Variants in GRID2 observed in about 807,000 individuals in gnomAD.
GRID2 encodes the protein glutamate receptor ionotropic, delta-2.
Under a neutral mutation model 114.8 loss-of-function variants are expected in GRID2, and 33 were observed. The ratio of observed to expected loss-of-function variants is 0.29; its 90% CI spans 0.22 to 0.38. The LOEUF (loss-of-function observed/expected upper bound fraction) is 0.38. GRID2 is among the 10% of genes least tolerant of loss of function. The pLI is 1.00. For synonymous variants in GRID2, 505 were observed against 449.9 expected, an observed-to-expected ratio of 1.12 and a Z score of -1.55; for missense variants, 1,184 against 1,257.7, an observed-to-expected ratio of 0.94 and a Z score of 0.89.
In GRID2 at chr4:93,367,586, G is replaced by A. The variant is rs73839176; in HGVS notation, c.1246-28021G>A. ...AATAGGTTAATACAGAGGAAATTGT[G>A]CCAGACAAAGCTGGTTGCTTTTTTG... On this transcript the variant is annotated intron_variant, in intron 8 of 15. Coordinates refer to ENST00000282020, the MANE Select transcript of GRID2 (RefSeq NM_001510.4). 4.8e-3 allele frequency among the ~76,000 whole-genome samples: 728 copies of A among 152,264 alleles called. 4 individuals carry two copies. Among genetic ancestry groups the A allele is most frequent in the African/African-American group, 0.017 (704 of 41,560 alleles).
intron 1 of GRID2, among the ~76,000 whole-genome samples, chr4:92,419,307 C>T (rs529496948): frequency 6.6e-6 from 1 of 152,210 alleles, no homozygotes; most frequent in East Asian, 1.9e-4. Flanking sequence ...AAAACTCTTA[C>T]ATGTAGCTCA....
chr4:92,474,526 T>A (rs1413150055), intron 1 of GRID2, among the ~76,000 whole-genome samples: 1 of 152,120 alleles, frequency 6.6e-6, no homozygotes, highest in East Asian at 1.9e-4. Context: ...TCCTTTGTAT[T>A]TGTACACAGA....
chr4:93,454,964 A>G (rs549566137), intron 10 of GRID2, among the ~76,000 whole-genome samples: 33 of 152,282 alleles, frequency 2.2e-4, no homozygotes, highest in African/African-American at 7.9e-4. Context: ...TTTTAAATAA[A>G]TAGTAAATGC....
intron 8 of GRID2, among the ~76,000 whole-genome samples, chr4:93,271,090 A>G (rs1181869395): frequency 1.3e-5 from 2 of 152,202 alleles, no homozygotes; most frequent in African/African-American, 4.8e-5. Context: ...TTATGTGGAA[A>G]TTATATATGT....
chr4:92,614,494 T>A (rs1054682591), intron 2 of GRID2, among the ~76,000 whole-genome samples: 1 of 151,642 alleles, frequency 6.6e-6, no homozygotes, highest in African/African-American at 2.4e-5. Context: ...ATGGGTGCAT[T>A]GTTTAATTTC....
chr4:93,371,090 C>G (rs1762857619), intron 8 of GRID2, among the ~76,000 whole-genome samples: 1 of 152,162 alleles, frequency 6.6e-6, no homozygotes, highest in Admixed American at 6.6e-5. Context: ...TATTATGTCA[C>G]TGTAGGCACT....
intron 10 of GRID2, among the ~76,000 whole-genome samples, chr4:93,432,034 T>A (rs1032517647): frequency 1.3e-5 from 2 of 152,198 alleles, no homozygotes; most frequent in South Asian, 2.1e-4. Context: ...AATTGGAGAT[T>A]ACGTATGTTG....
intron 4 of GRID2, among the ~76,000 whole-genome samples, chr4:93,136,033 T>C (rs1735212007): frequency 1.3e-5 from 2 of 152,146 alleles, no homozygotes; most frequent in East Asian, 1.9e-4. Context: ...TAATTACAGG[T>C]TCATTTAAAC....
chr4:92,735,367 T>G (rs1429464136), intron 2 of GRID2, among the ~76,000 whole-genome samples: 3 of 152,088 alleles, frequency 2.0e-5, no homozygotes, highest in African/African-American at 7.2e-5. Context: ...ACCATACAAC[T>G]AATAAGATAC....
chr4:93,790,092 C>T (rs1374359151), intron 1 of GRID2, among the ~76,000 whole-genome samples: 2 of 150,046 alleles, frequency 1.3e-5, no homozygotes, highest in Non-Finnish European at 3.0e-5. Flanking sequence ...CACCTCCTCC[C>T]ACCCCATCTG....
intron 1 of GRID2, among the ~76,000 whole-genome samples, chr4:92,431,071 C>G (rs1220827421): frequency 6.6e-6 from 1 of 152,006 alleles, no homozygotes; most frequent in Non-Finnish European, 1.5e-5. Flanking sequence ...TTAACTAATT[C>G]CTTAGAATTT....
chr4:92,816,190 G>T (rs890700086), intron 2 of GRID2, among the ~76,000 whole-genome samples: 3 of 149,528 alleles, frequency 2.0e-5, no homozygotes, highest in Admixed American at 2.0e-4. Context: ...TGGCACATGC[G>T]TGCAATCCCA....
Position 93,092,684 on chromosome 4 carries a change from G to A in GRID2, c.529+7405G>A, listed in dbSNP as rs552552976. 2.0e-5 allele frequency among the ~76,000 whole-genome samples: 3 copies of A among 152,140 alleles called. No homozygotes were observed. In the South Asian group the frequency reaches 6.2e-4, roughly 32 times the overall value. ...GGACTTTCACTATGGGTTTCTCCAT[G>A]AGTAACCCTGATGTAATCTTGATAT... On this transcript the variant is annotated intron_variant, in intron 3 of 15. Coordinates refer to ENST00000282020, the MANE Select transcript of GRID2 (RefSeq NM_001510.4).
At chr4:93,380,216 A>G (rs958142255) in intron 8 of GRID2, among the ~76,000 whole-genome samples, 2 of 152,036 alleles carry the variant, frequency 1.3e-5, no homozygotes, top group Non-Finnish European at 2.9e-5. Flanking sequence ...GGGATTTAAA[A>G]CAGAAAAGGA....
At chr4:93,496,651 T>G (rs1321935445) in intron 12 of GRID2, among the ~76,000 whole-genome samples, 1 of 151,830 alleles carries the variant, frequency 6.6e-6, no homozygotes, top group African/African-American at 2.4e-5. Context: ...GAAAATGGCT[T>G]TCTTATTGAT....
intron 14 of GRID2, among the ~76,000 whole-genome samples, chr4:93,736,653 G>T (rs1334134946): frequency 2.6e-5 from 4 of 151,762 alleles, no homozygotes; most frequent in African/African-American, 9.7e-5. Context: ...ATAATGGTTT[G>T]CTATTCATTA....
At chr4:93,241,166 C>T (rs959824331) in intron 8 of GRID2, among the ~76,000 whole-genome samples, 5 of 151,688 alleles carry the variant, frequency 3.3e-5, no homozygotes, top group Non-Finnish European at 7.4e-5. Flanking sequence ...TTTCTGTTTG[C>T]TGCTGTATAT....
rs188906423 is a variant in GRID2 at position 93,465,193 on chromosome 4, G to A, written c.1858+9219G>A. 5.6e-3 allele frequency among the ~76,000 whole-genome samples: 856 copies of A among 152,242 alleles called. 4 individuals carry two copies. The highest frequency in any genetic ancestry group is 8.7e-3 in the Non-Finnish European group (590 of 68,014). On this transcript the variant is annotated intron_variant, in intron 11 of 15. Coordinates refer to ENST00000282020, the MANE Select transcript of GRID2 (RefSeq NM_001510.4). ...ATTCACAGATATCCTGCTATTTAGC[G>A]TACTGCAACTGGGTCAAATACATAC...
chr4:93,201,933 T>G (rs1310939911), intron 4 of GRID2, among the ~76,000 whole-genome samples: 1 of 152,116 alleles, frequency 6.6e-6, no homozygotes. Context: ...TTTTTTTTCC[T>G]TTTTTGCTCA....
Sources: allele counts gnomAD v4.1 joint callset (sites outside exome capture counted in the v4.1 genomes callset), GRCh38; gene constraint gnomAD v4.1.1; transcripts MANE v1.5; gene names NCBI Gene and HGNC (gene_info 2026-07-23, HGNC 2026-07-21).